Variants in MDGA1 observed in about 807,000 individuals in gnomAD.
MDGA1 encodes the protein MAM domain containing glycosylphosphatidylinositol anchor 1, also known as MAM domain-containing glycosylphosphatidylinositol anchor protein 1.
MDGA1 carries 54 observed loss-of-function variants against 101.5 expected under a neutral mutation model. The observed-to-expected ratio is 0.53, with a 90% confidence interval of 0.43 to 0.67. The LOEUF is 0.67. MDGA1 is among the 30% of genes least tolerant of loss of function. The pLI is 0.00. For synonymous variants in MDGA1, 533 were observed against 558.3 expected (o/e 0.95, Z 0.64); for missense variants, 1,083 against 1,323.8 (o/e 0.82, Z 2.82).
intron 1 of MDGA1, among the ~76,000 whole-genome samples, chr6:37,679,874 A>G (rs1475540573): frequency 6.6e-6 from 1 of 152,180 alleles, no homozygotes; most frequent in Non-Finnish European, 1.5e-5. Context: ...ATGGTTAGTG[A>G]GCGGCCGAGC....
chr6:37,677,467 C>T (rs1279724153), intron 1 of MDGA1, among the ~76,000 whole-genome samples: 21 of 152,138 alleles, frequency 1.4e-4, no homozygotes, highest in East Asian at 1.9e-4. Context: ...AATGGTGACC[C>T]GAACTCCAGC....
chr6:37,642,591 T>A (rs1053081421), intron 14 of MDGA1, among the ~76,000 whole-genome samples: 2 of 152,170 alleles, frequency 1.3e-5, no homozygotes, highest in East Asian at 3.8e-4. Context: ...TGCCCTTTTG[T>A]ACCTTTTGGC....
chr6:37,693,826 A>G (rs1350627383), intron 1 of MDGA1, among the ~76,000 whole-genome samples: 1 of 152,228 alleles, frequency 6.6e-6, no homozygotes, highest in African/African-American at 2.4e-5. Flanking sequence ...CAAATGGACC[A>G]TCTGGTCCAG....
intron 1 of MDGA1, among the ~76,000 whole-genome samples, chr6:37,681,008 C>G (rs987540212): frequency 1.3e-5 from 2 of 150,336 alleles, no homozygotes; most frequent in African/African-American, 4.9e-5. Context: ...CCCCCCCCCC[C>G]AGGAAACCTG....
rs12191285 is a variant in MDGA1, at chr6:37,635,740, G to A, written c.*1628C>T. The A allele has an allele frequency of 0.49, 194,143 of 398,460 alleles. 49,247 individuals carry two copies. The highest frequency in any genetic ancestry group is 0.59 in the East Asian group (16,559 of 28,074). The allele number at this position is 398,460 out of a possible 1,614,324, so 24.7% of individuals were successfully genotyped here. ...TCACCAAAGGTGCTTGCATTCAATAGGGTCATCTGTAAGCTCTCCGTCATC... is the reference window on the plus strand; with the variant it reads ...TCACCAAAGGTGCTTGCATTCAATAAGGTCATCTGTAAGCTCTCCGTCATC... On this transcript the variant is annotated 3_prime_UTR_variant, in exon 17 of 17. Transcript: ENST00000434837.
intron 2 of MDGA1, among the ~76,000 whole-genome samples, chr6:37,662,776 C>A (rs1761656519): frequency 6.6e-6 from 1 of 152,176 alleles, no homozygotes; most frequent in Non-Finnish European, 1.5e-5. Flanking sequence ...ACCACGTACA[C>A]ATACACACAG....
At chr6:37,646,460 G>A (rs986670548) in intron 10 of MDGA1, 85 bp from the exon 11 acceptor site, 12 of 1,190,272 alleles carry the variant, frequency 1.0e-5, no homozygotes, top group East Asian at 5.4e-5. Flanking sequence ...CACCCCTTCC[G>A]TGCCCACCTC....
rs373772152 is a variant in MDGA1, at chr6:37,654,359, C to T, written c.897G>A (p.Gln299=). The T allele has an allele frequency of 3.3e-5, 53 of 1,612,532 alleles. No individual in the cohort carries two copies. In the African/African-American group the frequency reaches 6.4e-4, roughly 19 times the overall value. ...AGTTGTAGTAGCCAGAGTCCCGGGC[C>T]TGCACTGAAGGGATGCTGAGGGTGC... ...QGGTLSIPSV[Q]ARDSGYYNCT... is the part of the protein sequence containing the mutation. Residue 299 remains glutamine, a synonymous_variant, in exon 6 of 17, where the codon CAG becomes CAA. Transcript: ENST00000434837.
At chr6:37,694,479 G>A (rs192855861) in intron 1 of MDGA1, among the ~76,000 whole-genome samples, 3 of 152,184 alleles carry the variant, frequency 2.0e-5, no homozygotes, top group Non-Finnish European at 2.9e-5. Flanking sequence ...CCTATGTGCC[G>A]CCTTCACTCT....
At chr6:37,667,556 G>A (rs923411147) in intron 1 of MDGA1, among the ~76,000 whole-genome samples, 6 of 152,202 alleles carry the variant, frequency 3.9e-5, no homozygotes, top group African/African-American at 9.6e-5. Flanking sequence ...TTCACGATAC[G>A]TGAAAGAGAT....
At chr6:37,685,547 G>C (rs1762179743) in intron 1 of MDGA1, among the ~76,000 whole-genome samples, 3 of 152,332 alleles carry the variant, frequency 2.0e-5, no homozygotes, top group South Asian at 4.1e-4. Context: ...CTCCGGACCA[G>C]AGCCTCTCAC....
intron 8 of MDGA1, 86 bp downstream of exon 8, chr6:37,650,023 G>T: frequency 6.5e-7 from 1 of 1,537,920 alleles, no homozygotes. Flanking sequence ...TTGGACTGGG[G>T]TGGGTGAGAG....
chr6:37,656,367 C>T (rs1457020863), intron 3 of MDGA1, among the ~76,000 whole-genome samples: 6 of 147,434 alleles, frequency 4.1e-5, no homozygotes, highest in Non-Finnish European at 7.4e-5. Flanking sequence ...TCAGCCACTG[C>T]GCCCGGACTC....
In MDGA1 at chr6:37,654,403, C is replaced by T. The variant is rs909700228; in HGVS notation, c.853G>A (p.Gly285Ser). ...WSHGPGPLPLGALAQGGTLSI... is the reference protein window; with the variant it reads ...WSHGPGPLPLSALAQGGTLSI... ...AGGGTGCCACCCTGGGCCAGAGCAC[C>T]CAGGGGCAGTGGGCCAGGCCCATGG... The change falls in exon 6 of 17, where the codon GGT (glycine) becomes AGT (serine). Residue 285 changes from glycine to serine, a missense_variant. By Grantham distance (56) the Gly-to-Ser change is moderately conservative (BLOSUM62 0). Around this residue, in one of 3 missense-constraint regions of MDGA1, gnomAD observed 116 missense variants for 196.6 expected, o/e 0.59. Coordinates refer to ENST00000434837, the MANE Select transcript of MDGA1 (RefSeq NM_153487.4). 2 of 1,613,906 alleles carry T rather than the reference C, an allele frequency of 1.2e-6. No individual in the cohort carries two copies. Among genetic ancestry groups the T allele is most frequent in the East Asian group, 4.5e-5 (2 of 44,888 alleles).
intron 1 of MDGA1, among the ~76,000 whole-genome samples, chr6:37,693,784 T>C (rs1156710322): frequency 6.6e-6 from 1 of 152,168 alleles, no homozygotes; most frequent in African/African-American, 2.4e-5. Flanking sequence ...GGCCAGGAGA[T>C]TGGGAGGCGA....
At chr6:37,660,985 A>G (rs1422921174) in intron 2 of MDGA1, among the ~76,000 whole-genome samples, 3 of 152,184 alleles carry the variant, frequency 2.0e-5, no homozygotes, top group Admixed American at 2.0e-4. Flanking sequence ...CTATTTGGAT[A>G]TTGCAAAATA....
intron 1 of MDGA1, among the ~76,000 whole-genome samples, chr6:37,684,410 A>G (rs6900617): frequency 0.093 from 14,163 of 152,252 alleles, 1,015 homozygotes; most frequent in East Asian, 0.37. Flanking sequence ...AGGTCTGAGA[A>G]TAAGAAATGA....
chr6:37,633,611 G>A lies in MDGA1; in HGVS notation c.*3757C>T, dbSNP rs978758037. 3 of 152,310 alleles carry A rather than the reference G, an allele frequency of 2.0e-5. No individual in the cohort carries two copies. The highest frequency in any genetic ancestry group is 7.2e-5 in the African/African-American group (3 of 41,456). The allele number at this position is 152,310 out of a possible 1,614,324, so 9.4% of individuals were successfully genotyped here. A position where few individuals can be genotyped will look rare whatever the true frequency, so the allele number is the denominator to read the frequency against. On this transcript the variant is annotated 3_prime_UTR_variant, in exon 17 of 17. Transcript: ENST00000434837. ...CAGCTGCAGACACTGTGGTGGGAGGGTGGCCACCTCTGTGTGGCACCCAGG... is the reference window on the plus strand; with the variant it reads ...CAGCTGCAGACACTGTGGTGGGAGGATGGCCACCTCTGTGTGGCACCCAGG...
At chr6:37,689,391 C>A (rs192348101) in intron 1 of MDGA1, among the ~76,000 whole-genome samples, 48 of 152,332 alleles carry the variant, frequency 3.2e-4, no homozygotes, top group Admixed American at 1.6e-3. Context: ...ATATCCCCCC[C>A]AGACATGCCA....
Sources: gnomAD v4.1 joint callset for allele counts (sites outside exome capture counted in the v4.1 genomes callset) on GRCh38, gnomAD v4.1.1 for gene constraint, gnomAD v4.1.1 regional missense constraint, MANE v1.5 for transcripts, NCBI Gene and HGNC (gene_info 2026-07-23, HGNC 2026-07-21) for gene names.